Variants in ATP2C2 observed in about 807,000 individuals in gnomAD.
The protein encoded by ATP2C2 is calcium-transporting ATPase type 2C member 2.
In ATP2C2, 171 loss-of-function variants were observed where a neutral mutation model predicts 110.8. The observed-to-expected ratio is 1.54, with a 90% confidence interval of 1.36 to 1.75. ATP2C2 has a LOEUF of 1.75. Ranked by LOEUF, ATP2C2 falls within the 40% of genes most tolerant of loss-of-function variation. The pLI, the probability that ATP2C2 is intolerant of heterozygous loss-of-function variation, is 0.00. For missense variants in ATP2C2, 1,963 were observed against 1,235.0 expected, an observed-to-expected ratio of 1.59 and a Z score of -8.84; for synonymous variants, 804 against 508.4, an observed-to-expected ratio of 1.58 and a Z score of -7.82.
intron 13 of ATP2C2, among the ~76,000 whole-genome samples, 181 bp from the exon 14 acceptor site, chr16:84,440,676 T>C (rs1333407356): frequency 6.6e-6 from 1 of 152,238 alleles, no homozygotes; most frequent in Non-Finnish European, 1.5e-5. Context: ...CCTGGTACTG[T>C]GTCCATCCAT....
chr16:84,455,071 G>T (rs1453434712), intron 21 of ATP2C2, 87 bp downstream of exon 21: 3 of 1,376,198 alleles, frequency 2.2e-6, no homozygotes, highest in Middle Eastern at 3.8e-4. Context: ...TGGAGATAGA[G>T]GGGGGGGTCT....
intron 3 of ATP2C2, 59 bp downstream of exon 3, chr16:84,405,303 G>A: frequency 7.0e-7 from 1 of 1,429,586 alleles, no homozygotes; most frequent in Non-Finnish European, 9.7e-7. Flanking sequence ...GGGTGGGGCA[G>A]CCATTCCATC....
intron 2 of ATP2C2, among the ~76,000 whole-genome samples, chr16:84,402,768 C>T (rs896595307): frequency 9.2e-5 from 14 of 151,918 alleles, no homozygotes; most frequent in Non-Finnish European, 1.9e-4. Context: ...TTAAATGTGT[C>T]TTTGTCTGGT....
chr16:84,447,976 G>T (rs1208645193), intron 16 of ATP2C2, among the ~76,000 whole-genome samples: 1 of 151,846 alleles, frequency 6.6e-6, no homozygotes, highest in Non-Finnish European at 1.5e-5. Context: ...CGGTATTGAG[G>T]CTAGGGGTAC....
chr16:84,443,373 T>C (rs1443041092), intron 15 of ATP2C2, among the ~76,000 whole-genome samples: 1 of 152,164 alleles, frequency 6.6e-6, no homozygotes, highest in African/African-American at 2.4e-5. Context: ...GGGAGCTCCT[T>C]TCCCCGACCC....
At position 84,422,711 on chromosome 16, in the gene ATP2C2, G is replaced by T; in HGVS notation, c.843+14G>T. On this transcript the variant is annotated intron_variant, in intron 9 of 26. Coordinates refer to ENST00000262429, the MANE Select transcript of ATP2C2 (RefSeq NM_014861.4). ...CAGGCTGAAGAGGTAAGGGGCAGGA[G>T]GGGGCTTCGGGACTTTTGTAAGCTG... 1 of 1,594,592 alleles carries T rather than the reference G, an allele frequency of 6.3e-7. No homozygotes were observed.
chr16:84,455,047 G>A (rs1231764271), intron 21 of ATP2C2, 63 bp downstream of exon 21: 2 of 1,400,382 alleles, frequency 1.4e-6, no homozygotes, highest in African/African-American at 2.9e-5. Context: ...GCTTCTCCCT[G>A]GAACCTGCTA....
At chr16:84,417,812 G>A (rs999393161) in intron 7 of ATP2C2, among the ~76,000 whole-genome samples, 11 of 152,210 alleles carry the variant, frequency 7.2e-5, no homozygotes, top group Non-Finnish European at 1.2e-4. Context: ...TTTCCTGGTG[G>A]TATTCTGCAA....
intron 1 of ATP2C2, among the ~76,000 whole-genome samples, chr16:84,374,310 AG>A (rs776531793): frequency 6.6e-6 from 1 of 152,204 alleles, no homozygotes; most frequent in Non-Finnish European, 1.5e-5. Flanking sequence ...TGAAGCTTTC[AG>A]TGTGTGTCAG....
In ATP2C2 at chr16:84,422,446, T is replaced by G; in HGVS notation, c.681T>G (p.Ser227Arg). 1 of 1,614,118 alleles carries G rather than the reference T, an allele frequency of 6.2e-7. No homozygotes were observed. Among genetic ancestry groups the G allele is most frequent in the Non-Finnish European group, 8.5e-7 (1 of 1,180,026 alleles). ...TCACCGGGGAAGCCGAGCCATGTAG[T>G]AAAACAGACAGCCCCTTGACAGGCG... Reference protein sequence around the residue: ...SSFTGEAEPCSKTDSPLTGGG... With the variant: ...SSFTGEAEPCRKTDSPLTGGG... The change falls in exon 8 of 27, where the codon AGT becomes AGG. Residue 227 changes from serine (S) to arginine (R), a missense_variant. Transcript: ENST00000262429.
chr16:84,383,598 A>G (rs1910713546), intron 1 of ATP2C2, among the ~76,000 whole-genome samples: 1 of 152,174 alleles, frequency 6.6e-6, no homozygotes, highest in South Asian at 2.1e-4. Flanking sequence ...TGATAGCACA[A>G]ACACTATAGC....
At chr16:84,431,334 A>G (rs12934526) in intron 11 of ATP2C2, among the ~76,000 whole-genome samples, 16,643 of 151,964 alleles carry the variant, frequency 0.11, 1,051 homozygotes, top group South Asian at 0.22. Flanking sequence ...CATCTCTACC[A>G]AAAATACAAA....
chr16:84,397,670 A>AAAAAAAAAAAAACAAAC (rs1555553736), intron 1 of ATP2C2, among the ~76,000 whole-genome samples: 4 of 145,892 alleles, frequency 2.7e-5, no homozygotes, highest in Non-Finnish European at 6.1e-5. Context: ...AAAAAAAAAA[A>AAAAAAAAAAAAACAAAC]AAACTTGCTT....
intron 4 of ATP2C2, among the ~76,000 whole-genome samples, chr16:84,409,520 CT>C (rs1262520642): frequency 2.7e-5 from 4 of 150,726 alleles, no homozygotes; most frequent in Non-Finnish European, 4.4e-5. Flanking sequence ...ATTTTTTTTT[CT>C]TTTTTTGAGA....
Position 84,415,576 on chromosome 16 carries a change from C to G in ATP2C2, c.609C>G (p.Asp203Glu). 1 of 1,613,612 alleles carries G rather than the reference C, an allele frequency of 6.2e-7. No homozygotes were observed. Among genetic ancestry groups the G allele is most frequent in the Non-Finnish European group, 8.5e-7 (1 of 1,179,700 alleles). Reference protein sequence around the residue: ...SLSIGDRIPADIRLTEVTDLL... With the variant: ...SLSIGDRIPAEIRLTEVTDLL... Reference sequence around the variant, plus strand: ...CGATCGGAGACCGGATCCCTGCAGACATCCGACTCACTGAGGTGAGTGGTT... The same window carrying G: ...CGATCGGAGACCGGATCCCTGCAGAGATCCGACTCACTGAGGTGAGTGGTT... The change falls in exon 7 of 27, where the codon GAC becomes GAG. Residue 203 changes from aspartate (D) to glutamate (E), a missense_variant. Physicochemically the swap from Asp to Glu is conservative, Grantham distance 45. Coordinates refer to ENST00000262429, the MANE Select transcript of ATP2C2 (RefSeq NM_014861.4).
At position 84,433,008 on chromosome 16, in the gene ATP2C2, C is replaced by T. The variant is rs797022691; in HGVS notation, c.987-6158C>T. On this transcript the variant is annotated intron_variant, in intron 11 of 26. Transcript: ENST00000262429. ...ACTGAGCCTTTGGAGGCAGGGGTGG[C>T]GGCAGGGAGGGAGACATTTGAGCCT... Among the ~76,000 whole-genome samples, 25 of 152,158 alleles carry T rather than the reference C, an allele frequency of 1.6e-4. 1 individual carries two copies. Among genetic ancestry groups the T allele is most frequent in the African/African-American group, 6.0e-4 (25 of 41,508 alleles).
chr16:84,373,639 T>C (rs1910089349), intron 1 of ATP2C2, among the ~76,000 whole-genome samples: 1 of 152,212 alleles, frequency 6.6e-6, no homozygotes, highest in South Asian at 2.1e-4. Flanking sequence ...GGGAAGGGGT[T>C]ACACAGGCCA....
chr16:84,422,511 G>C lies in ATP2C2; in HGVS notation c.746G>C (p.Gly249Ala). ...LTTLSNIVFMGTLVQYGRGQG... is the reference protein window; with the variant it reads ...LTTLSNIVFMATLVQYGRGQG... ...ACCCTCAGCAACATCGTCTTCATGG[G>C]GACCCTGGTGCAGTATGGGAGGGGC... The change falls in exon 8 of 27, where the codon GGG (glycine) becomes GCG (alanine). Residue 249 changes from glycine to alanine, a missense_variant. Physicochemically the swap from Gly to Ala is moderately conservative, Grantham distance 60. Coordinates refer to ENST00000262429, the MANE Select transcript of ATP2C2 (RefSeq NM_014861.4). 6.2e-7 allele frequency: 1 copy of C among 1,614,096 alleles called. No homozygotes were observed. Among genetic ancestry groups the C allele is most frequent in the Non-Finnish European group, 8.5e-7 (1 of 1,180,010 alleles).
At chr16:84,393,204 C>T (rs1253843185) in intron 1 of ATP2C2, among the ~76,000 whole-genome samples, 1 of 152,164 alleles carries the variant, frequency 6.6e-6, no homozygotes, top group African/African-American at 2.4e-5. Context: ...ACAAAGGATA[C>T]ATTAAGTGCC....
Sources: allele counts gnomAD v4.1 joint callset (sites outside exome capture counted in the v4.1 genomes callset), GRCh38; gene constraint gnomAD v4.1.1; transcripts MANE v1.5; gene names NCBI Gene and HGNC (gene_info 2026-07-23, HGNC 2026-07-21).